Variants in CFAP54 observed in about 807,000 individuals in gnomAD.
The protein encoded by CFAP54 is cilia and flagella associated protein 54.
A neutral mutation model predicts 370.4 loss-of-function variants in CFAP54; 290 were observed. That is an observed-to-expected ratio of 0.78 (90% CI 0.71 to 0.86). The LOEUF (loss-of-function observed/expected upper bound fraction) is 0.86. CFAP54 is among the 40% of genes least tolerant of loss of function. The probability of loss-of-function intolerance (pLI) is 0.00; values close to 1 mark genes in which losing one functional copy is unlikely to be tolerated. For synonymous variants in CFAP54, 1,206 were observed against 1,236.5 expected (o/e 0.98, Z 0.52); for missense variants, 3,399 against 3,528.7 (o/e 0.96, Z 0.93).
chr12:96,793,387 T>C (rs1958724039), intron 63 of CFAP54, among the ~76,000 whole-genome samples: 1 of 151,962 alleles, frequency 6.6e-6, no homozygotes, highest in Non-Finnish European at 1.5e-5. Context: ...TTATGGCTCA[T>C]TAGTATTCCA....
rs568770133 is a variant in CFAP54, at chr12:96,850,047, G to A, written c.9172-10772G>A. The stretch of plus-strand genomic sequence containing the variant: ...AATTCCCTTTGGCAGCCCTAGAGTC[G>A]TCTGTAAAATTTCCAAAAGCTGAGC... On this transcript the variant is annotated intron_variant, in intron 66 of 67. Coordinates refer to ENST00000524981, the MANE Select transcript of CFAP54 (RefSeq NM_001306084.2). 4.6e-5 allele frequency among the ~76,000 whole-genome samples: 7 copies of A among 152,088 alleles called. No individual in the cohort carries two copies. In the South Asian group the frequency reaches 8.3e-4, roughly 18 times the overall value.
intron 24 of CFAP54, 107 bp from the exon 25 acceptor site, chr12:96,594,184 C>T: frequency 1.4e-6 from 1 of 720,270 alleles, no homozygotes; most frequent in East Asian, 2.8e-5. Flanking sequence ...TACAAACACT[C>T]ATGTTGTTTT....
rs4762331 is a variant in CFAP54 at position 96,790,469 on chromosome 12, A to G, written c.8680-1860A>G. ...ATATTAAATACCTATTTTGATATTG[A>G]CTTATGTTTATAATTTATCATTATT... is the stretch of plus-strand genomic sequence containing the variant. On this transcript the variant is annotated intron_variant, in intron 62 of 67. Coordinates refer to ENST00000524981, the MANE Select transcript of CFAP54 (RefSeq NM_001306084.2). Among the ~76,000 whole-genome samples, 1,446 of 152,316 alleles carry G rather than the reference A, an allele frequency of 9.5e-3. 56 individuals are homozygous for G. The East Asian group carries it at 0.1, about 11-fold the overall frequency.
intron 47 of CFAP54, among the ~76,000 whole-genome samples, chr12:96,706,075 C>T (rs949537946): frequency 3.3e-5 from 5 of 152,030 alleles, no homozygotes; most frequent in African/African-American, 1.2e-4. Context: ...AATAGGCTGC[C>T]AATCAGCATT....
At chr12:96,519,367 A>G (rs968673221) in intron 6 of CFAP54, among the ~76,000 whole-genome samples, 2 of 152,090 alleles carry the variant, frequency 1.3e-5, no homozygotes, top group African/African-American at 4.8e-5. Flanking sequence ...TCAAAATGCT[A>G]GGATTACAGG....
chr12:96,858,327 G>A (rs1046671630), intron 66 of CFAP54, among the ~76,000 whole-genome samples: 2 of 152,010 alleles, frequency 1.3e-5, no homozygotes, highest in African/African-American at 2.4e-5. Context: ...TCCTTTGCCC[G>A]TTTTTTAGTG....
intron 66 of CFAP54, among the ~76,000 whole-genome samples, chr12:96,830,883 C>T (rs1049749062): frequency 1.3e-5 from 2 of 151,958 alleles, no homozygotes; most frequent in African/African-American, 4.8e-5. Flanking sequence ...ACCATGTTGA[C>T]CAGGCTGTTC....
At chr12:96,652,853 A>G (rs1247796661) in intron 36 of CFAP54, among the ~76,000 whole-genome samples, 1 of 152,256 alleles carries the variant, frequency 6.6e-6, no homozygotes, top group Non-Finnish European at 1.5e-5. Flanking sequence ...CTATATTGTT[A>G]GACAAGATAA....
chr12:96,702,856 G>T (rs189570884), intron 46 of CFAP54, among the ~76,000 whole-genome samples: 3 of 152,244 alleles, frequency 2.0e-5, no homozygotes, highest in Non-Finnish European at 4.4e-5. Context: ...ACTTGTAAAA[G>T]AAGTAACTGA....
At chr12:96,629,611 C>A (rs1453177726) in intron 30 of CFAP54, among the ~76,000 whole-genome samples, 1 of 152,012 alleles carries the variant, frequency 6.6e-6, no homozygotes, top group Admixed American at 6.5e-5. Flanking sequence ...CCACGCCTGG[C>A]CTATACATTG....
intron 55 of CFAP54, among the ~76,000 whole-genome samples, chr12:96,750,856 G>C (rs183440936): frequency 6.6e-6 from 1 of 152,254 alleles, no homozygotes; most frequent in African/African-American, 2.4e-5. Context: ...CAGCTTTTCT[G>C]TCAAAACAAC....
intron 63 of CFAP54, among the ~76,000 whole-genome samples, chr12:96,798,253 G>T (rs77019937): frequency 1.3e-5 from 2 of 151,650 alleles, no homozygotes; most frequent in Admixed American, 1.3e-4. Context: ...GGATTACTTC[G>T]TTCTGTTGAA....
At chr12:96,794,172 C>A (rs923665626) in intron 63 of CFAP54, among the ~76,000 whole-genome samples, 1 of 152,082 alleles carries the variant, frequency 6.6e-6, no homozygotes, top group African/African-American at 2.4e-5. Context: ...TCTTAAGATT[C>A]TTTCCTTCAT....
chr12:96,839,433 A>C (rs1221714817), intron 66 of CFAP54, among the ~76,000 whole-genome samples: 3 of 152,240 alleles, frequency 2.0e-5, no homozygotes, highest in Non-Finnish European at 4.4e-5. Context: ...CAGAAGAACA[A>C]CACGAAGTGT....
At chr12:96,756,585 G>C in intron 57 of CFAP54, 22 bp downstream of exon 57, 1 of 1,491,278 alleles carries the variant, frequency 6.7e-7, no homozygotes, top group South Asian at 1.2e-5. Flanking sequence ...TTCCATTGTT[G>C]TAGCTGTGTG....
In CFAP54 at chr12:96,743,533, A is replaced by G. The variant is rs1271389959; in HGVS notation, c.7351A>G (p.Lys2451Glu). ...VILGLQEKHL[K>E]ADIMTNLQDI... is the part of the protein sequence containing the mutation. ...TCTTGGCCTACAAGAAAAGCATTTAAAGGCAGACATCATGACAAACCTTCA... is the reference window on the plus strand; with the variant it reads ...TCTTGGCCTACAAGAAAAGCATTTAGAGGCAGACATCATGACAAACCTTCA... The change falls in exon 53 of 68, where the codon AAG becomes GAG. Residue 2451 changes from lysine (K) to glutamate (E), a missense_variant. By Grantham distance (56) the Lys-to-Glu change is moderately conservative. Around this residue, in one of 3 missense-constraint regions of CFAP54, gnomAD observed 2,796 missense variants for 2,869.7 expected, o/e 0.97. Coordinates refer to ENST00000524981, the MANE Select transcript of CFAP54 (RefSeq NM_001306084.2). 3.1e-6 allele frequency: 5 copies of G among 1,614,084 alleles called. No individual in the cohort carries two copies. The East Asian group carries it at 1.1e-4, about 36-fold the overall frequency.
chr12:96,553,875 A>G (rs1374477162), intron 15 of CFAP54, among the ~76,000 whole-genome samples: 1 of 152,132 alleles, frequency 6.6e-6, no homozygotes, highest in Non-Finnish European at 1.5e-5. Flanking sequence ...AAAATGTACC[A>G]GTACATTTAG....
intron 29 of CFAP54, 72 bp downstream of exon 29, chr12:96,625,879 T>C: frequency 8.3e-7 from 1 of 1,206,284 alleles, no homozygotes; most frequent in African/African-American, 1.5e-5. Context: ...GTGGATTTTG[T>C]TTCTGTTGTC....
chr12:96,538,408 G>A lies in CFAP54; in HGVS notation c.1816G>A (p.Val606Ile). 1 of 1,535,458 alleles carries A rather than the reference G, an allele frequency of 6.5e-7. No individual in the cohort carries two copies. Among genetic ancestry groups the A allele is most frequent in the African/African-American group, 1.4e-5 (1 of 73,130 alleles). The change falls in exon 13 of 68, where the codon GTT becomes ATT. Residue 606 changes from valine (V) to isoleucine (I), a missense_variant. Val to Ile is a conservative substitution (Grantham distance 29). Around this residue, in one of 3 missense-constraint regions of CFAP54, gnomAD observed 2,796 missense variants for 2,869.7 expected, o/e 0.97. Coordinates refer to ENST00000524981, the MANE Select transcript of CFAP54 (RefSeq NM_001306084.2). ...PQDVQPDKEI[V>I]VDTIMFLWQK... The stretch of plus-strand genomic sequence containing the variant: ...GGATGTTCAACCTGATAAAGAAATT[G>A]TTGTGGACACGATAATGTTCCTATG...
Sources: gnomAD v4.1 joint callset for allele counts (sites outside exome capture counted in the v4.1 genomes callset) on GRCh38, gnomAD v4.1.1 for gene constraint, gnomAD v4.1.1 regional missense constraint, MANE v1.5 for transcripts, NCBI Gene and HGNC (gene_info 2026-07-23, HGNC 2026-07-21) for gene names.